Variants in OLFML2B observed in about 807,000 individuals in gnomAD.
OLFML2B encodes the protein olfactomedin like 2B, also known as olfactomedin-like protein 2B.
A neutral mutation model predicts 74.9 loss-of-function variants in OLFML2B; 57 were observed. The observed-to-expected ratio is 0.76, with a 90% CI of 0.61 to 0.95. The LOEUF (loss-of-function observed/expected upper bound fraction) is 0.95. Among genes scored for constraint, OLFML2B ranks in the 40% least tolerant of loss-of-function variants. The pLI is 0.00. For synonymous variants in OLFML2B, 388 were observed against 405.8 expected, an observed-to-expected ratio of 0.96 and a Z score of 0.53; for missense variants, 986 against 970.6, an observed-to-expected ratio of 1.02 and a Z score of -0.21.
At chr1:161,992,351 T>C (rs1689765469) in intron 6 of OLFML2B, among the ~76,000 whole-genome samples, 1 of 152,276 alleles carries the variant, frequency 6.6e-6, no homozygotes. Flanking sequence ...ACTGTCTTTT[T>C]ATCCAGACCA....
intron 2 of OLFML2B, among the ~76,000 whole-genome samples, chr1:162,018,500 G>T (rs1454293651): frequency 6.6e-6 from 1 of 152,204 alleles, no homozygotes; most frequent in Non-Finnish European, 1.5e-5. Context: ...AGCACAAAGT[G>T]CTAAACTGAC....
chr1:162,009,485 C>A (rs775305699), intron 3 of OLFML2B, among the ~76,000 whole-genome samples: 5 of 152,172 alleles, frequency 3.3e-5, no homozygotes, highest in African/African-American at 7.2e-5. Flanking sequence ...TTTCTAGGGC[C>A]CTAGGGAGTC....
chr1:162,020,214 C>T, intron 1 of OLFML2B, 32 bp from the exon 2 acceptor site: 1 of 1,607,262 alleles, frequency 6.2e-7, no homozygotes, highest in Non-Finnish European at 8.5e-7. Flanking sequence ...TAGGGGCATG[C>T]AAACACAGGT....
At position 162,000,315 on chromosome 1, in the gene OLFML2B, T is replaced by C; in HGVS notation, c.747A>G (p.Glu249=). The C allele has an allele frequency of 6.2e-7, 1 of 1,612,742 alleles. No individual in the cohort carries two copies. Among genetic ancestry groups the C allele is most frequent in the Non-Finnish European group, 8.5e-7 (1 of 1,179,956 alleles). ...AGTTGATCTGCTGGGACACGGTTTC[T>C]TCCTGCAGAAACCGCTCTTCATACT... The part of the protein sequence containing the change: ...HPEYEERFLQ[E]ETVSQQINSI... The change falls in exon 5 of 8, where the codon GAA becomes GAG. Residue 249 remains glutamate, a synonymous_variant. Transcript: ENST00000294794.
At position 162,023,598 on chromosome 1, in the gene OLFML2B, G is replaced by T; in HGVS notation, c.-168C>A. The stretch of plus-strand genomic sequence containing the variant: ...GCGGGACGGGAGGGTGCGCCCCAGA[G>T]ACTCTGGGCATCTCCTTCCCGACGC... On this transcript the variant is annotated 5_prime_UTR_variant, in exon 1 of 8. Coordinates refer to ENST00000294794, the MANE Select transcript of OLFML2B (RefSeq NM_015441.3). The T allele has an allele frequency of 1.8e-6, 1 of 547,494 alleles. No individual in the cohort carries two copies. Among genetic ancestry groups the T allele is most frequent in the Non-Finnish European group, 2.9e-6 (1 of 340,132 alleles). The allele number at this position is 547,494 out of a possible 1,614,324, so 33.9% of individuals were successfully genotyped here.
chr1:162,023,477 G>T lies in OLFML2B; in HGVS notation c.-47C>A. 1.4e-6 allele frequency: 2 copies of T among 1,396,462 alleles called. No homozygotes were observed. The highest frequency in any genetic ancestry group is 3.5e-5 in the South Asian group (2 of 56,674). The allele number at this position is 1,396,462 out of a possible 1,614,324, so 86.5% of individuals were successfully genotyped here. A position where few individuals can be genotyped will look rare whatever the true frequency, so the allele number is the denominator to read the frequency against. Reference sequence around the variant, plus strand: ...CTCAGCCCCTTCAGAGAATGGCTGGGGCGGGGGGTCTCGGCAAGGACTTCT... The same window carrying T: ...CTCAGCCCCTTCAGAGAATGGCTGGTGCGGGGGGTCTCGGCAAGGACTTCT... On this transcript the variant is annotated 5_prime_UTR_variant, in exon 1 of 8. Coordinates refer to ENST00000294794, the MANE Select transcript of OLFML2B (RefSeq NM_015441.3).
At position 162,023,496 on chromosome 1, in the gene OLFML2B, G is replaced by T. The variant is rs978286046; in HGVS notation, c.-66C>A. 45 of 1,376,024 alleles carry T rather than the reference G, an allele frequency of 3.3e-5. No homozygotes were observed. Among genetic ancestry groups the T allele is most frequent in the Non-Finnish European group, 4.2e-5 (44 of 1,050,434 alleles). The allele number at this position is 1,376,024 out of a possible 1,614,324, so 85.2% of individuals were successfully genotyped here. On this transcript the variant is annotated 5_prime_UTR_variant, in exon 1 of 8. Transcript: ENST00000294794. ...GGCTGGGGCGGGGGGTCTCGGCAAG[G>T]ACTTCTGCGAGAGGGTGTCCTCGCT...
chr1:162,023,242 C>A lies in OLFML2B; in HGVS notation c.174+15G>T, dbSNP rs140823206. 382 of 1,488,178 alleles carry A rather than the reference C, an allele frequency of 2.6e-4. No homozygotes were observed. Among genetic ancestry groups the A allele is most frequent in the Non-Finnish European group, 3.3e-4 (368 of 1,107,410 alleles). 92.2% of individuals were successfully genotyped at this position (1,488,178 alleles called of 1,614,324 possible). ...TCCAGGGCAAGAAGGGCGGTCGTGG[C>A]ACTCTGCATCCTACCTGAGATAAAA... On this transcript the variant is annotated intron_variant, in intron 1 of 7. Transcript: ENST00000294794.
At chr1:161,993,303 A>G (rs954369629) in intron 6 of OLFML2B, among the ~76,000 whole-genome samples, 5 of 152,198 alleles carry the variant, frequency 3.3e-5, no homozygotes, top group African/African-American at 1.2e-4. Flanking sequence ...CAGCTAGGCC[A>G]GCACCTCTTT....
At chr1:161,990,209 TGAA>T (rs1348604419) in intron 6 of OLFML2B, among the ~76,000 whole-genome samples, 6 of 152,252 alleles carry the variant, frequency 3.9e-5, no homozygotes, top group African/African-American at 1.4e-4. Context: ...TACACAGGTA[TGAA>T]GGAGTTACAA....
intron 3 of OLFML2B, among the ~76,000 whole-genome samples, chr1:162,011,733 G>A (rs774181542): frequency 6.6e-6 from 1 of 152,212 alleles, no homozygotes; most frequent in Non-Finnish European, 1.5e-5. Context: ...AGAAGTCCAG[G>A]GCCTGGCAGG....
chr1:162,006,563 A>G, intron 3 of OLFML2B, 90 bp from the exon 4 acceptor site: 1 of 976,938 alleles, frequency 1.0e-6, no homozygotes, highest in Admixed American at 2.5e-5. Context: ...GAGCACACAG[A>G]CACAACAGAC....
chr1:162,014,161 C>T (rs1690468955), intron 3 of OLFML2B, among the ~76,000 whole-genome samples: 1 of 152,146 alleles, frequency 6.6e-6, no homozygotes, highest in Admixed American at 6.5e-5. Flanking sequence ...GGTGGTTACA[C>T]AGGCATTTTG....
chr1:162,019,216 T>C (rs1275415695), intron 2 of OLFML2B, among the ~76,000 whole-genome samples: 1 of 152,236 alleles, frequency 6.6e-6, no homozygotes, highest in Non-Finnish European at 1.5e-5. Context: ...CTCCTAGTTG[T>C]TATCTCATTA....
chr1:161,997,378 A>G (rs1408013195), intron 6 of OLFML2B, among the ~76,000 whole-genome samples: 3 of 152,140 alleles, frequency 2.0e-5, no homozygotes, highest in Non-Finnish European at 4.4e-5. Context: ...ACGGAGGCCC[A>G]TTGCCCCAGC....
intron 1 of OLFML2B, among the ~76,000 whole-genome samples, chr1:162,022,981 A>G (rs1156383267): frequency 1.3e-5 from 2 of 151,984 alleles, no homozygotes; most frequent in Non-Finnish European, 2.9e-5. Context: ...ACCAAAAACA[A>G]CTTTGTTTTC....
Position 161,983,601 on chromosome 1 carries a change from C to A in OLFML2B, c.*74G>T. ...TTTAAACAACACATACCCACCTACA[C>A]ACACGTGCGCGCACACACATACACA... On this transcript the variant is annotated 3_prime_UTR_variant, in exon 8 of 8. Transcript: ENST00000294794. 12 of 1,478,578 alleles carry A rather than the reference C, an allele frequency of 8.1e-6. No homozygotes were observed. The highest frequency in any genetic ancestry group is 1.4e-5 in the African/African-American group (1 of 71,282). 91.6% of individuals were successfully genotyped at this position (1,478,578 alleles called of 1,614,324 possible).
At chr1:161,988,296 C>A (rs1439105420) in intron 6 of OLFML2B, among the ~76,000 whole-genome samples, 1 of 152,154 alleles carries the variant, frequency 6.6e-6, no homozygotes, top group African/African-American at 2.4e-5. Flanking sequence ...TATAAACCTC[C>A]TCAAATCTCA....
Position 162,006,413 on chromosome 1 carries a change from G to T in OLFML2B, c.607C>A (p.Arg203=). ...TTGCCTCGCTTATTCATCTCGGTTC[G>T]AATTTCTTCCATGTCCTCTTTGATT... is the stretch of plus-strand genomic sequence containing the variant. ...EQIKEDMEEI[R]TEMNKRGKEN... is the part of the protein sequence containing the mutation. Residue 203 remains arginine, a synonymous_variant, in exon 4 of 8, where the codon CGA becomes AGA. Transcript: ENST00000294794. The T allele has an allele frequency of 6.2e-7, 1 of 1,611,638 alleles. No individual in the cohort carries two copies. Among genetic ancestry groups the T allele is most frequent in the Non-Finnish European group, 8.5e-7 (1 of 1,179,344 alleles).
Sources: gnomAD v4.1 joint callset for allele counts (sites outside exome capture counted in the v4.1 genomes callset) on GRCh38, gnomAD v4.1.1 for gene constraint, MANE v1.5 for transcripts, NCBI Gene and HGNC (gene_info 2026-07-23, HGNC 2026-07-21) for gene names.